SVOPL: variants seen among roughly 807,000 people sequenced by gnomAD.
SVOPL encodes the protein SVOP like.
Under a neutral mutation model 61.0 loss-of-function variants are expected in SVOPL, and 60 were observed. The observed-to-expected ratio is 0.98, with a 90% CI of 0.80 to 1.22. The LOEUF is 1.22. SVOPL is among the 50% of genes most tolerant of loss of function. The pLI is 0.00. For synonymous variants in SVOPL, 279 were observed against 250.0 expected, an observed-to-expected ratio of 1.12 and a Z score of -1.09; for missense variants, 662 against 643.9, an observed-to-expected ratio of 1.03 and a Z score of -0.30.
intron 3 of SVOPL, among the ~76,000 whole-genome samples, chr7:138,674,200 T>TACAC (rs35935791): frequency 1.2e-4 from 18 of 149,404 alleles, no homozygotes; most frequent in African/African-American, 3.7e-4. Flanking sequence ...AGAAAACACA[T>TACAC]ACACACACAC....
At chr7:138,677,727 C>T (rs564395305) in intron 3 of SVOPL, among the ~76,000 whole-genome samples, 14 of 151,104 alleles carry the variant, frequency 9.3e-5, no homozygotes, top group Non-Finnish European at 1.5e-4. Context: ...TTCAAAAGAA[C>T]CTTAGTCTAC....
At position 138,600,789 on chromosome 7, in the gene SVOPL, C is replaced by T. The variant is rs1798482423; in HGVS notation, c.1354-4259G>A. ...TGAAAATCAAAACCACAGTAAGATACATCACCTCACATGTCTATCACAAAC... is the reference window on the plus strand; with the variant it reads ...TGAAAATCAAAACCACAGTAAGATATATCACCTCACATGTCTATCACAAAC... On this transcript the variant is annotated intron_variant, in intron 14 of 15. Transcript: ENST00000674285. Among the ~76,000 whole-genome samples, 3 of 152,192 alleles carry T rather than the reference C, an allele frequency of 2.0e-5. No individual in the cohort carries two copies. In the South Asian group the frequency reaches 6.2e-4, roughly 32 times the overall value.
chr7:138,660,089 GCTT>G, intron 5 of SVOPL, 101 bp from the exon 6 acceptor site: 1 of 1,501,256 alleles, frequency 6.7e-7, no homozygotes, highest in Non-Finnish European at 8.9e-7. Flanking sequence ...CCTGATAGTT[GCTT>G]CTCTGAGGAG....
chr7:138,696,485 C>A (rs1803067873), intron 1 of SVOPL, among the ~76,000 whole-genome samples: 1 of 152,052 alleles, frequency 6.6e-6, no homozygotes, highest in Non-Finnish European at 1.5e-5. Context: ...TGCAATGGTA[C>A]AATCTCGGCT....
At chr7:138,664,248 C>T (rs571474834) in intron 4 of SVOPL, 5 of 985,046 alleles carry the variant, frequency 5.1e-6, no homozygotes, top group East Asian at 1.2e-4. Context: ...CCCCACCTAG[C>T]GCGCGCCTAA....
intron 14 of SVOPL, among the ~76,000 whole-genome samples, chr7:138,599,844 C>T (rs923517500): frequency 6.9e-6 from 1 of 144,292 alleles, no homozygotes; most frequent in Non-Finnish European, 1.5e-5. Flanking sequence ...GCTGAGGACA[C>T]ACCACTGCAC....
Position 138,688,055 on chromosome 7 carries a change from C to T in SVOPL, c.-34-8976G>A, listed in dbSNP as rs998620956. On this transcript the variant is annotated intron_variant, in intron 1 of 15. Coordinates refer to ENST00000674285, the MANE Select transcript of SVOPL (RefSeq NM_001139456.2). ...TGACCTCGTGATCCACCCGCCTCGGCCCCCCACAGTGCTGGGATTACAGGC... is the reference window on the plus strand; with the variant it reads ...TGACCTCGTGATCCACCCGCCTCGGTCCCCCACAGTGCTGGGATTACAGGC... Among the ~76,000 whole-genome samples the T allele has an allele frequency of 3.9e-5, 6 of 152,230 alleles. No individual in the cohort carries two copies. The South Asian group carries it at 1.0e-3, about 26-fold the overall frequency.
rs10666134 is a variant in SVOPL, at chr7:138,641,814, T to TTATATATATATATATATA, written c.789+2885_789+2902dup. ...TCTAGACGTATCAAATATATATATG[T>TTATATATATATATATATA]TATATATATATATATATATAACATA... On this transcript the variant is annotated intron_variant, in intron 9 of 15. Transcript: ENST00000674285. Among the ~76,000 whole-genome samples, 230 of 120,920 alleles carry TTATATATATATATATATA rather than the reference T, an allele frequency of 1.9e-3. 1 individual carries two copies. Among genetic ancestry groups the TTATATATATATATATATA allele is most frequent in the East Asian group, 0.011 (41 of 3,662 alleles). The allele number at this position is 120,920 out of a possible 152,430, so 79.3% of individuals were successfully genotyped here.
At chr7:138,682,477 A>G (rs1014097309) in intron 1 of SVOPL, among the ~76,000 whole-genome samples, 3 of 152,188 alleles carry the variant, frequency 2.0e-5, no homozygotes, top group South Asian at 2.1e-4. Flanking sequence ...AAACAACACC[A>G]TGTGGATGCA....
chr7:138,634,058 A>G (rs10252989), intron 9 of SVOPL, among the ~76,000 whole-genome samples: 13,021 of 152,206 alleles, frequency 0.086, 759 homozygotes, highest in South Asian at 0.15. Flanking sequence ...CTTTCCCATG[A>G]TCCTGCCAGC....
intron 1 of SVOPL, among the ~76,000 whole-genome samples, chr7:138,688,423 C>T (rs951047379): frequency 6.6e-6 from 1 of 152,052 alleles, no homozygotes; most frequent in Non-Finnish European, 1.5e-5. Context: ...GCATGCACCA[C>T]CACACTCGGC....
At chr7:138,609,775 C>T (rs1348623024) in intron 14 of SVOPL, among the ~76,000 whole-genome samples, 1 of 151,920 alleles carries the variant, frequency 6.6e-6, no homozygotes, top group African/African-American at 2.4e-5. Context: ...TTCTGCTGCC[C>T]AGGATGGAAT....
chr7:138,631,431 A>AT (rs1049063322), intron 9 of SVOPL, among the ~76,000 whole-genome samples: 9 of 151,950 alleles, frequency 5.9e-5, no homozygotes, highest in African/African-American at 1.9e-4. Context: ...GTCTTATTCT[A>AT]TTTTTTCTGG....
chr7:138,689,359 G>A (rs922663751), intron 1 of SVOPL: 111 of 1,588,278 alleles, frequency 7.0e-5, no homozygotes, highest in East Asian at 4.3e-4. Flanking sequence ...AAGATGCGCC[G>A]CCGGATCGAC....
Position 138,628,332 on chromosome 7 carries a change from T to A in SVOPL, c.895A>T (p.Ile299Phe), listed in dbSNP as rs374304743. ...TCCAGCAGCTCAGCACTGGCCAGGATAACCCCATAGTAGGCAAAAGAGATT... is the reference window on the plus strand; with the variant it reads ...TCCAGCAGCTCAGCACTGGCCAGGAAAACCCCATAGTAGGCAAAAGAGATT... ...LGISFAYYGV[I>F]LASAELLERD... Residue 299 changes from isoleucine to phenylalanine, a missense_variant, in exon 11 of 16, where the codon ATC (isoleucine) becomes TTC (phenylalanine). Coordinates refer to ENST00000674285, the MANE Select transcript of SVOPL (RefSeq NM_001139456.2). 116 of 1,613,852 alleles carry A rather than the reference T, an allele frequency of 7.2e-5. No individual in the cohort carries two copies. The highest frequency in any genetic ancestry group is 9.6e-5 in the Non-Finnish European group (113 of 1,180,010).
intron 1 of SVOPL, among the ~76,000 whole-genome samples, chr7:138,685,619 G>A (rs1211347546): frequency 6.6e-6 from 1 of 152,176 alleles, no homozygotes; most frequent in African/African-American, 2.4e-5. Flanking sequence ...AATAATAATA[G>A]CTGGGTGTGG....
chr7:138,701,048 T>A (rs1803184796), intron 1 of SVOPL, 130 bp downstream of exon 1: 1 of 152,186 alleles, frequency 6.6e-6, no homozygotes, highest in African/African-American at 2.4e-5. Context: ...GTAATTTGTT[T>A]TGCAATATCC....
intron 1 of SVOPL, among the ~76,000 whole-genome samples, chr7:138,681,652 C>A (rs1490112254): frequency 1.3e-5 from 2 of 151,970 alleles, no homozygotes; most frequent in Non-Finnish European, 2.9e-5. Flanking sequence ...AGCAAAACCC[C>A]GTCTCTACTA....
At chr7:138,667,834 C>A (rs1288421152) in intron 4 of SVOPL, among the ~76,000 whole-genome samples, 2 of 152,170 alleles carry the variant, frequency 1.3e-5, no homozygotes, top group Admixed American at 1.3e-4. Flanking sequence ...CTTGGTCATT[C>A]CTGGGTGTAG....
Sources: allele counts gnomAD v4.1 joint callset (sites outside exome capture counted in the v4.1 genomes callset), GRCh38; gene constraint gnomAD v4.1.1; transcripts MANE v1.5; gene names NCBI Gene and HGNC (gene_info 2026-07-23, HGNC 2026-07-21).